Variants in TAFA2 observed in about 807,000 individuals in gnomAD.
TAFA2 encodes the protein chemokine-like protein TAFA-2.
A neutral mutation model predicts 18.8 loss-of-function variants in TAFA2; 7 were observed. That is an observed-to-expected ratio of 0.37 (90% CI 0.21 to 0.70). TAFA2 has a LOEUF of 0.70. Ranked by LOEUF, TAFA2 falls within the 30% of genes least tolerant of loss-of-function variation. The pLI is 0.53. For missense variants in TAFA2, 122 were observed against 158.1 expected (o/e 0.77, Z 1.23); for synonymous variants, 60 against 54.2 (o/e 1.11, Z -0.47).
chr12:62,177,699 G>A (rs1169530146), intron 1 of TAFA2, among the ~76,000 whole-genome samples: 1 of 152,096 alleles, frequency 6.6e-6, no homozygotes, highest in Non-Finnish European at 1.5e-5. Context: ...GTGGGCTACA[G>A]TTGCTCTGGG....
At chr12:62,134,497 CT>C (rs1262547879) in intron 1 of TAFA2, among the ~76,000 whole-genome samples, 4 of 151,978 alleles carry the variant, frequency 2.6e-5, no homozygotes, top group African/African-American at 9.7e-5. Context: ...GCACTTTGAA[CT>C]TGGACCTTCC....
At chr12:62,182,785 A>G (rs1406799) in intron 1 of TAFA2, among the ~76,000 whole-genome samples, 19,439 of 152,228 alleles carry the variant, frequency 0.13, 1,655 homozygotes, top group East Asian at 0.33. Context: ...AATATATTCT[A>G]TAATATTTTT....
At chr12:62,136,908 A>G (rs75888280) in intron 1 of TAFA2, among the ~76,000 whole-genome samples, 7,136 of 152,226 alleles carry the variant, frequency 0.047, 249 homozygotes, top group Non-Finnish European at 0.073. Flanking sequence ...AAATATATGC[A>G]TATGCACAGA....
At position 62,222,953 on chromosome 12, in the gene TAFA2, T is replaced by C. The variant is rs571114292; in HGVS notation, c.-130+35810A>G. 7.2e-5 allele frequency among the ~76,000 whole-genome samples: 11 copies of C among 152,150 alleles called. 1 individual carries two copies. In the South Asian group the frequency reaches 1.5e-3, roughly 20 times the overall value. ...AAAGATAAAACACCTGAGAATATAC[T>C]AAACAAAATGTAAGCAAAATCTATA... is the stretch of plus-strand genomic sequence containing the variant. On this transcript the variant is annotated intron_variant, in intron 1 of 5. Coordinates refer to the TAFA2 transcript ENST00000551619.
rs577313911 is a variant in TAFA2, at chr12:61,745,824, T to C, written c.384+7798A>G. Among the ~76,000 whole-genome samples, 16 of 152,102 alleles carry C rather than the reference T, an allele frequency of 1.1e-4. No individual in the cohort carries two copies. The South Asian group carries it at 1.2e-3, about 12-fold the overall frequency. ...TCTAGGAGGACACAATGTAATCATC[T>C]GTACCCCGAAAAGGCAGAGAAAGCC... On this transcript the variant is annotated intron_variant, in intron 4 of 4. Coordinates refer to ENST00000416284, the MANE Select transcript of TAFA2 (RefSeq NM_178539.5).
At chr12:61,929,482 A>T (rs995824765) in intron 1 of TAFA2, among the ~76,000 whole-genome samples, 3 of 152,124 alleles carry the variant, frequency 2.0e-5, no homozygotes, top group South Asian at 2.1e-4. Flanking sequence ...TTAGAATGGC[A>T]ATCATTAAAA....
At chr12:62,174,910 AC>A (rs1230680802) in intron 1 of TAFA2, among the ~76,000 whole-genome samples, 2 of 152,212 alleles carry the variant, frequency 1.3e-5, no homozygotes, top group Admixed American at 1.3e-4. Flanking sequence ...ATATGTCAAT[AC>A]ATACAGATAT....
chr12:61,764,522 A>T (rs1869705590), intron 2 of TAFA2, among the ~76,000 whole-genome samples: 1 of 152,004 alleles, frequency 6.6e-6, no homozygotes, highest in South Asian at 2.1e-4. Flanking sequence ...TTGTCCCTGA[A>T]GAGTGTGACT....
intron 2 of TAFA2, among the ~76,000 whole-genome samples, chr12:61,756,710 G>A (rs1869290018): frequency 6.6e-6 from 1 of 152,070 alleles, no homozygotes; most frequent in Non-Finnish European, 1.5e-5. Context: ...GAGTAGAGTA[G>A]AGTAACATGA....
chr12:61,711,948 A>C (rs1166076763), intron 4 of TAFA2, among the ~76,000 whole-genome samples: 1 of 152,214 alleles, frequency 6.6e-6, no homozygotes, highest in African/African-American at 2.4e-5. Flanking sequence ...TTCAGGAGTC[A>C]TCATATACAA....
At chr12:61,774,350 A>G (rs747476186) in intron 2 of TAFA2, among the ~76,000 whole-genome samples, 10 of 151,918 alleles carry the variant, frequency 6.6e-5, no homozygotes, top group Non-Finnish European at 1.5e-4. Flanking sequence ...AAAAGAAGTC[A>G]TTATACAAAA....
chr12:61,815,661 T>TA lies in TAFA2; in HGVS notation c.106+51658dup, dbSNP rs1338864157. Among the ~76,000 whole-genome samples, 357 of 128,850 alleles carry TA rather than the reference T, an allele frequency of 2.8e-3. 6 individuals are homozygous for TA. The highest frequency in any genetic ancestry group is 9.1e-3 in the Admixed American group (117 of 12,854). The allele number at this position is 128,850 out of a possible 152,430, so 84.5% of individuals were successfully genotyped here. The stretch of plus-strand genomic sequence containing the variant: ...CTGGGAGACAGAGCAAGACTCCGTC[T>TA]AAAAAAAAAAAAAAAGTAGGCAATT... On this transcript the variant is annotated intron_variant, in intron 2 of 4. Coordinates refer to ENST00000416284, the MANE Select transcript of TAFA2 (RefSeq NM_178539.5).
intron 4 of TAFA2, among the ~76,000 whole-genome samples, chr12:61,741,920 A>G (rs1262047724): frequency 2.0e-5 from 3 of 152,132 alleles, no homozygotes; most frequent in Non-Finnish European, 4.4e-5. Context: ...TCTTTTAGAC[A>G]GAGTCTCACT....
chr12:61,826,732 C>A (rs892377037), intron 2 of TAFA2, among the ~76,000 whole-genome samples: 1 of 151,916 alleles, frequency 6.6e-6, no homozygotes, highest in African/African-American at 2.4e-5. Flanking sequence ...GTGTTCCTCT[C>A]ATTTATTCAT....
intron 2 of TAFA2, among the ~76,000 whole-genome samples, chr12:61,779,519 C>T (rs1470102412): frequency 1.3e-5 from 2 of 151,812 alleles, no homozygotes; most frequent in African/African-American, 4.8e-5. Flanking sequence ...CCACCACAGC[C>T]TATGCTCACC....
At chr12:61,727,409 C>T (rs1208572447) in intron 4 of TAFA2, among the ~76,000 whole-genome samples, 1 of 151,030 alleles carries the variant, frequency 6.6e-6, no homozygotes, top group Non-Finnish European at 1.5e-5. Flanking sequence ...TGTTATTGGT[C>T]TGTTTAGAGT....
intron 1 of TAFA2, among the ~76,000 whole-genome samples, chr12:62,017,731 A>G (rs547714569): frequency 7.2e-5 from 11 of 152,288 alleles, no homozygotes; most frequent in Admixed American, 5.9e-4. Flanking sequence ...TTTCACATCA[A>G]TATAGCATAT....
upstream of TAFA2, among the ~76,000 whole-genome samples, chr12:62,196,026 T>A (rs755665361): frequency 5.9e-5 from 9 of 152,234 alleles, no homozygotes; most frequent in Non-Finnish European, 1.3e-4. Flanking sequence ...ATCTTCTGGA[T>A]AACTTGCTGC....
intron 1 of TAFA2, among the ~76,000 whole-genome samples, chr12:61,916,617 C>T (rs1429409825): frequency 3.9e-5 from 6 of 152,164 alleles, no homozygotes; most frequent in Admixed American, 3.9e-4. Flanking sequence ...GGTTACAATT[C>T]CATGCTTTTG....
Sources: gnomAD v4.1 joint callset for allele counts (sites outside exome capture counted in the v4.1 genomes callset) on GRCh38, gnomAD v4.1.1 for gene constraint, MANE v1.5 for transcripts, NCBI Gene and HGNC (gene_info 2026-07-23, HGNC 2026-07-21) for gene names.